Variants in ASH1L observed in about 807,000 individuals in gnomAD.
ASH1L encodes the protein ASH1 like histone lysine methyltransferase, also known as histone-lysine N-methyltransferase ASH1L.
ASH1L carries 23 observed loss-of-function variants against 269.0 expected under a neutral mutation model. The ratio of observed to expected loss-of-function variants is 0.09; its 90% confidence interval spans 0.06 to 0.12. The LOEUF (loss-of-function observed/expected upper bound fraction) is 0.12, where lower values mean the gene tolerates loss of function less well. Among genes scored for constraint, ASH1L ranks in the 10% least tolerant of loss-of-function variants. The pLI, the probability that ASH1L is intolerant of heterozygous loss-of-function variation, is 1.00. For synonymous variants in ASH1L, 1,187 were observed against 1,253.5 expected (o/e 0.95, Z 1.12); for missense variants, 2,912 against 3,567.8 (o/e 0.82, Z 4.68).
At chr1:155,486,189 C>A (rs918853343) in intron 2 of ASH1L, among the ~76,000 whole-genome samples, 1 of 152,158 alleles carries the variant, frequency 6.6e-6, no homozygotes, top group Non-Finnish European at 1.5e-5. Context: ...AAATATCCCT[C>A]TTTACATGTG....
At chr1:155,543,705 G>A (rs1272832966) in intron 1 of ASH1L, among the ~76,000 whole-genome samples, 1 of 151,924 alleles carries the variant, frequency 6.6e-6, no homozygotes, top group Non-Finnish European at 1.5e-5. Flanking sequence ...GCTGAGGTGG[G>A]AGGGTGACCT....
At position 155,354,717 on chromosome 1, in the gene ASH1L, C is replaced by T. The variant is rs979439285; in HGVS notation, c.7056-87G>A. 1.4e-4 allele frequency: 176 copies of T among 1,295,068 alleles called. No individual in the cohort carries two copies. The East Asian group carries it at 4.0e-3, about 29-fold the overall frequency. The allele number at this position is 1,295,068 out of a possible 1,614,324, so 80.2% of individuals were successfully genotyped here. On this transcript the variant is annotated intron_variant, in intron 15 of 27. Transcript: ENST00000392403. ...CTACTCTATGGAAGCCATTGTTAGA[C>T]GATATACGTGAATTGAGCTGTTGTA...
chr1:155,421,230 TA>T (rs67434918), intron 5 of ASH1L, among the ~76,000 whole-genome samples: 31,479 of 95,700 alleles, frequency 0.33, 4,963 homozygotes, highest in East Asian at 0.71. Context: ...TTCTGTGTCT[TA>T]AAAAAAAAAA....
chr1:155,389,898 G>A (rs1362913317), intron 7 of ASH1L, among the ~76,000 whole-genome samples: 1 of 116,600 alleles, frequency 8.6e-6, no homozygotes, highest in African/African-American at 3.1e-5. Context: ...TTTTTTTGGT[G>A]TGGATCTCTT....
chr1:155,341,752 A>T (rs773277632), intron 25 of ASH1L, among the ~76,000 whole-genome samples, 184 bp downstream of exon 25: 2 of 152,248 alleles, frequency 1.3e-5, no homozygotes, highest in Non-Finnish European at 2.9e-5. Flanking sequence ...TTTCTGAGAT[A>T]CAGTCTATGT....
At chr1:155,398,978 C>T (rs1658602167) in intron 6 of ASH1L, among the ~76,000 whole-genome samples, 1 of 152,144 alleles carries the variant, frequency 6.6e-6, no homozygotes, top group Non-Finnish European at 1.5e-5. Context: ...AGCGACTTGC[C>T]TGCCCTGGCC....
chr1:155,513,454 C>T (rs367731367), intron 2 of ASH1L, among the ~76,000 whole-genome samples: 5 of 150,986 alleles, frequency 3.3e-5, no homozygotes, highest in African/African-American at 9.8e-5. Context: ...TGCCTGTAGC[C>T]GGTCTACTCA....
At chr1:155,491,152 A>T (rs575355337) in intron 2 of ASH1L, among the ~76,000 whole-genome samples, 1 of 152,134 alleles carries the variant, frequency 6.6e-6, no homozygotes, top group East Asian at 1.9e-4. Context: ...TAAATTGTGG[A>T]GGTCATTTCT....
At chr1:155,350,122 G>A (rs1424838522) in intron 17 of ASH1L, among the ~76,000 whole-genome samples, 2 of 151,994 alleles carry the variant, frequency 1.3e-5, no homozygotes, top group South Asian at 2.1e-4. Flanking sequence ...ATCTGACCTC[G>A]TGATCTGCCC....
chr1:155,519,848 G>A (rs1332693412), intron 2 of ASH1L, among the ~76,000 whole-genome samples: 2 of 151,792 alleles, frequency 1.3e-5, no homozygotes, highest in African/African-American at 4.8e-5. Flanking sequence ...TAGTAGAGAC[G>A]GGGTTTCATC....
At chr1:155,391,048 C>T (rs1356338808) in intron 7 of ASH1L, among the ~76,000 whole-genome samples, 5 of 151,852 alleles carry the variant, frequency 3.3e-5, no homozygotes, top group African/African-American at 4.8e-5. Flanking sequence ...TGGGTTCAAG[C>T]GATTGTCCTG....
rs199583567 is a variant in ASH1L, at chr1:155,411,570, T to TATAA, written c.6008+4170_6008+4173dup. Among the ~76,000 whole-genome samples, 427 of 71,638 alleles carry TATAA rather than the reference T, an allele frequency of 6.0e-3. 18 individuals are homozygous for TATAA. Among genetic ancestry groups the TATAA allele is most frequent in the Middle Eastern group, 0.016 (2 of 122 alleles). The allele number at this position is 71,638 out of a possible 152,430, so 47.0% of individuals were successfully genotyped here. The stretch of plus-strand genomic sequence containing the variant: ...TGATATATATAAATATAAATATGAA[T>TATAA]ATAAATAAATAAATAAATATATATA... On this transcript the variant is annotated intron_variant, in intron 6 of 27. Transcript: ENST00000392403.
Position 155,411,602 on chromosome 1 carries a change from T to TATAC in ASH1L, c.6008+4141_6008+4142insGTAT, listed in dbSNP as rs1558075801. On this transcript the variant is annotated intron_variant, in intron 6 of 27. Coordinates refer to ENST00000392403, the MANE Select transcript of ASH1L (RefSeq NM_018489.3). ...AAATAAATAAATATATATATATATA[T>TATAC]ATATATATATATATATGTTTTCATC... Among the ~76,000 whole-genome samples, 2 of 117,124 alleles carry TATAC rather than the reference T, an allele frequency of 1.7e-5. 1 individual carries two copies. The highest frequency in any genetic ancestry group is 6.3e-5 in the African/African-American group (2 of 31,996). The allele number at this position is 117,124 out of a possible 152,430, so 76.8% of individuals were successfully genotyped here. A position where few individuals can be genotyped will look rare whatever the true frequency, so the allele number is the denominator to read the frequency against.
chr1:155,347,726 T>C lies in ASH1L; in HGVS notation c.7733A>G (p.Asp2578Gly), dbSNP rs775170034. ...GCCACAGATACAGCGAATAACATCG[T>C]CGTCCTTCTCATGCCCATTCTCCTT... ...SEKENGHEKD[D>G]DVIRCICGLY... is the part of the protein sequence containing the mutation. Residue 2578 changes from aspartate to glycine, a missense_variant, in exon 20 of 28, where the codon GAC (aspartate) becomes GGC (glycine). Coordinates refer to ENST00000392403, the MANE Select transcript of ASH1L (RefSeq NM_018489.3). The C allele has an allele frequency of 1.9e-6, 3 of 1,614,210 alleles. No homozygotes were observed. Among genetic ancestry groups the C allele is most frequent in the South Asian group, 1.1e-5 (1 of 91,088 alleles).
chr1:155,360,066 AT>A (rs763820933), intron 13 of ASH1L, among the ~76,000 whole-genome samples: 30 of 151,482 alleles, frequency 2.0e-4, no homozygotes, highest in Non-Finnish European at 4.0e-4. Context: ...TAATCTTTGT[AT>A]TTTTGATAGA....
At chr1:155,400,630 A>G (rs1658752132) in intron 6 of ASH1L, among the ~76,000 whole-genome samples, 1 of 152,032 alleles carries the variant, frequency 6.6e-6, no homozygotes, top group Non-Finnish European at 1.5e-5. Context: ...ACAAATGACA[A>G]TTCTATTCTA....
At chr1:155,524,970 G>A (rs1436383483) in intron 1 of ASH1L, among the ~76,000 whole-genome samples, 1 of 152,088 alleles carries the variant, frequency 6.6e-6, no homozygotes, top group Non-Finnish European at 1.5e-5. Flanking sequence ...AATCCTGCCT[G>A]GGCACGGTGG....
chr1:155,465,901 G>A (rs1418790039), intron 3 of ASH1L, among the ~76,000 whole-genome samples: 1 of 152,144 alleles, frequency 6.6e-6, no homozygotes, highest in African/African-American at 2.4e-5. Flanking sequence ...GAACCTTCTT[G>A]TGAATGAGCT....
intron 2 of ASH1L, among the ~76,000 whole-genome samples, chr1:155,494,788 G>C (rs1229587843): frequency 6.6e-6 from 1 of 152,164 alleles, no homozygotes; most frequent in African/African-American, 2.4e-5. Flanking sequence ...GAAGTCAACA[G>C]CATATTGACA....
Sources: allele counts gnomAD v4.1 joint callset (sites outside exome capture counted in the v4.1 genomes callset), GRCh38; gene constraint gnomAD v4.1.1; transcripts MANE v1.5; gene names NCBI Gene and HGNC (gene_info 2026-07-23, HGNC 2026-07-21).